CMSS1: variants seen among roughly 807,000 people sequenced by gnomAD.
CMSS1 encodes protein CMSS1.
In CMSS1, 33 loss-of-function variants were observed where a neutral mutation model predicts 43.5. That is an observed-to-expected ratio of 0.76 (90% CI 0.57 to 1.01). CMSS1 has a LOEUF of 1.01. Among genes scored for constraint, CMSS1 ranks in the 50% least tolerant of loss-of-function variants. The pLI is 0.00. For synonymous variants in CMSS1, 115 were observed against 117.2 expected (o/e 0.98, Z 0.12); for missense variants, 313 against 326.4 (o/e 0.96, Z 0.32).
At position 99,837,362 on chromosome 3, in the gene CMSS1, A is replaced by G. The variant is rs76858522; in HGVS notation, c.64+19319A>G. On this transcript the variant is annotated intron_variant, in intron 1 of 9. Coordinates refer to ENST00000421999, the MANE Select transcript of CMSS1 (RefSeq NM_032359.4). ...TTCAAAAGTGACTGATCTCAGGCACAGTGAATTCAGGCAAGAACACCATGA... is the reference window on the plus strand; with the variant it reads ...TTCAAAAGTGACTGATCTCAGGCACGGTGAATTCAGGCAAGAACACCATGA... 6.8e-3 allele frequency among the ~76,000 whole-genome samples: 1,031 copies of G among 152,086 alleles called. 15 individuals carry two copies. The highest frequency in any genetic ancestry group is 0.023 in the African/African-American group (956 of 41,490).
At chr3:99,881,105 A>G (rs527535249) in intron 1 of CMSS1, among the ~76,000 whole-genome samples, 10 of 152,236 alleles carry the variant, frequency 6.6e-5, no homozygotes, top group African/African-American at 2.4e-4. Context: ...ATAAGGAATC[A>G]TCTGTTGGTA....
At chr3:100,105,175 G>T (rs2066373413) in intron 1 of CMSS1, among the ~76,000 whole-genome samples, 1 of 152,266 alleles carries the variant, frequency 6.6e-6, no homozygotes, top group East Asian at 1.9e-4. Context: ...TGCCTGTAAA[G>T]ATTTTTCTGG....
intron 1 of CMSS1, among the ~76,000 whole-genome samples, chr3:100,067,556 G>A (rs1302907155): frequency 2.0e-5 from 3 of 152,148 alleles, no homozygotes; most frequent in African/African-American, 7.2e-5. Context: ...TCTGAATTTT[G>A]CAGATTTGAT....
At chr3:100,061,087 C>A (rs1175429768) in intron 1 of CMSS1, among the ~76,000 whole-genome samples, 2 of 151,316 alleles carry the variant, frequency 1.3e-5, no homozygotes, top group African/African-American at 4.9e-5. Flanking sequence ...TAGATGTGCA[C>A]ATAGAAGTTG....
At position 100,071,090 on chromosome 3, in the gene CMSS1, C is replaced by CTTTTTT. The variant is rs61563009; in HGVS notation, c.65-75867_65-75862dup. 1.2e-3 allele frequency among the ~76,000 whole-genome samples: 82 copies of CTTTTTT among 70,416 alleles called. 1 individual carries two copies. The highest frequency in any genetic ancestry group is 2.3e-3 in the African/African-American group (37 of 16,298). The allele number at this position is 70,416 out of a possible 152,430, so 46.2% of individuals were successfully genotyped here. On this transcript the variant is annotated intron_variant, in intron 1 of 9. Transcript: ENST00000421999. ...TTGTTTTTAAGAGAAGCTACTCTCTCTTTTTTTTTTTTTTTTTTTTTGGAT... is the reference window on the plus strand; with the variant it reads ...TTGTTTTTAAGAGAAGCTACTCTCTCTTTTTTTTTTTTTTTTTTTTTTTTTTTGGAT...
intron 1 of CMSS1, among the ~76,000 whole-genome samples, chr3:100,069,138 G>A (rs6777622): frequency 0.77 from 117,610 of 152,072 alleles, 46,102 homozygotes; most frequent in East Asian, 0.88. Context: ...TCTTCTGTAA[G>A]GCTCCTACTC....
chr3:99,956,216 C>T (rs55874130), intron 1 of CMSS1, among the ~76,000 whole-genome samples: 7,726 of 152,212 alleles, frequency 0.051, 294 homozygotes, highest in South Asian at 0.13. Context: ...TTCACAAACA[C>T]CTTCACCTTC....
At chr3:99,825,967 G>T (rs1942529864) in intron 1 of CMSS1, among the ~76,000 whole-genome samples, 1 of 151,496 alleles carries the variant, frequency 6.6e-6, no homozygotes. Context: ...TTAGTAGAGG[G>T]GGGTTTCACC....
At chr3:100,068,350 CTG>C (rs62958661) in intron 1 of CMSS1, among the ~76,000 whole-genome samples, 36,312 of 149,302 alleles carry the variant, frequency 0.24, 4,437 homozygotes, top group South Asian at 0.28. Context: ...GAAAGAGCCT[CTG>C]TGTGTGTGTG....
chr3:99,845,479 C>T lies in CMSS1; in HGVS notation c.64+27436C>T, dbSNP rs115909488. ...GCCCTCATGGACCAAAGAATACAAC[C>T]CTCCACCCCCACATATTTCATATGA... On this transcript the variant is annotated intron_variant, in intron 1 of 9. Transcript: ENST00000421999. Among the ~76,000 whole-genome samples, 333 of 152,142 alleles carry T rather than the reference C, an allele frequency of 2.2e-3. 4 individuals carry two copies. Among genetic ancestry groups the T allele is most frequent in the Middle Eastern group, 6.8e-3 (2 of 292 alleles).
chr3:99,971,557 C>T (rs1708823242), intron 1 of CMSS1, among the ~76,000 whole-genome samples: 1 of 152,166 alleles, frequency 6.6e-6, no homozygotes, highest in Non-Finnish European at 1.5e-5. Context: ...CCTCTCTAAG[C>T]CTCACTTCCA....
chr3:99,989,378 A>G (rs897971294), intron 1 of CMSS1, among the ~76,000 whole-genome samples: 11 of 152,180 alleles, frequency 7.2e-5, no homozygotes, highest in African/African-American at 2.2e-4. Flanking sequence ...AATCCCCCAG[A>G]CAAGAAGACT....
chr3:99,845,347 G>A (rs1943315263), intron 1 of CMSS1, among the ~76,000 whole-genome samples: 1 of 152,152 alleles, frequency 6.6e-6, no homozygotes, highest in South Asian at 2.1e-4. Flanking sequence ...TAAAGAGATA[G>A]TGGGAATGTG....
intron 1 of CMSS1, among the ~76,000 whole-genome samples, chr3:100,029,529 A>G (rs577918485): frequency 3.3e-5 from 5 of 152,302 alleles, no homozygotes; most frequent in African/African-American, 1.2e-4. Flanking sequence ...TACATAGACC[A>G]TACCAGTGTG....
chr3:100,118,347 G>A (rs2066593197), intron 1 of CMSS1, among the ~76,000 whole-genome samples: 1 of 151,900 alleles, frequency 6.6e-6, no homozygotes, highest in Admixed American at 6.6e-5. Flanking sequence ...CATTGCTATA[G>A]TATTGTATTA....
intron 1 of CMSS1, among the ~76,000 whole-genome samples, chr3:99,997,952 TCAAG>T (rs1709730824): frequency 6.6e-6 from 1 of 152,178 alleles, no homozygotes; most frequent in Non-Finnish European, 1.5e-5. Flanking sequence ...AGAATCAAGA[TCAAG>T]TTGAATAAAA....
intron 1 of CMSS1, among the ~76,000 whole-genome samples, chr3:99,923,418 A>G (rs1559689450): frequency 6.6e-6 from 1 of 152,196 alleles, no homozygotes. Context: ...AAAATCCTAC[A>G]ACACAGAAAA....
chr3:99,988,831 T>A (rs1709430506), intron 1 of CMSS1, among the ~76,000 whole-genome samples: 1 of 152,202 alleles, frequency 6.6e-6, no homozygotes, highest in Admixed American at 6.5e-5. Context: ...CATTGGTAAT[T>A]TTTATTCCAA....
chr3:100,001,335 G>T (rs1327018180), intron 1 of CMSS1, among the ~76,000 whole-genome samples: 1 of 152,190 alleles, frequency 6.6e-6, no homozygotes, highest in African/African-American at 2.4e-5. Context: ...GTGACGCAGT[G>T]TCAGAGGTGA....
Sources: gnomAD v4.1 joint callset for allele counts (sites outside exome capture counted in the v4.1 genomes callset) on GRCh38, gnomAD v4.1.1 for gene constraint, MANE v1.5 for transcripts, NCBI Gene and HGNC (gene_info 2026-07-23, HGNC 2026-07-21) for gene names.